DIAPH2: variants seen among roughly 807,000 people sequenced by gnomAD.
The protein encoded by DIAPH2 is diaphanous related formin 2.
Under a neutral mutation model 92.7 loss-of-function variants are expected in DIAPH2, and 35 were observed. The observed-to-expected ratio is 0.38, with a 90% CI of 0.29 to 0.50. DIAPH2 has a LOEUF of 0.50. Ranked by LOEUF, DIAPH2 falls within the 20% of genes least tolerant of loss-of-function variation. The pLI is 0.94. For missense variants in DIAPH2, 701 were observed against 819.5 expected (o/e 0.86, Z 1.77); for synonymous variants, 301 against 280.4 (o/e 1.07, Z -0.73).
chrX:97,388,729 G>C (rs1433516347), intron 25 of DIAPH2, among the ~76,000 whole-genome samples: 1 of 111,143 alleles, frequency 9.0e-6, no homozygotes, highest in African/African-American at 3.3e-5. Flanking sequence ...TGTTTATATT[G>C]ACATTTATCA....
At chrX:96,727,302 C>G (rs1456626888) in intron 1 of DIAPH2, among the ~76,000 whole-genome samples, 1 of 112,207 alleles carries the variant, frequency 8.9e-6, no homozygotes, top group Admixed American at 9.4e-5. Flanking sequence ...CCAAAGTCAG[C>G]TTTCTAAAAT....
chrX:96,770,999 C>G (rs1481614622), intron 4 of DIAPH2, among the ~76,000 whole-genome samples: 1 of 111,473 alleles, frequency 9.0e-6, no homozygotes, highest in Non-Finnish European at 1.9e-5. Context: ...ATTTGAATTT[C>G]CCTTCATTTT....
At chrX:97,460,240 T>G (rs775173247) in intron 26 of DIAPH2, among the ~76,000 whole-genome samples, 3 of 111,946 alleles carry the variant, frequency 2.7e-5, no homozygotes, top group Non-Finnish European at 5.6e-5. Context: ...AGGCTCCACC[T>G]TAGTGGGCAG....
intron 17 of DIAPH2, among the ~76,000 whole-genome samples, chrX:97,040,204 G>A (rs1478383969): frequency 9.4e-6 from 1 of 105,861 alleles, no homozygotes; most frequent in African/African-American, 3.5e-5. Context: ...CCAGATGATG[G>A]TATGTGTGGT....
At chrX:96,911,494 C>T (rs1182379448) in intron 5 of DIAPH2, among the ~76,000 whole-genome samples, 1 of 111,261 alleles carries the variant, frequency 9.0e-6, no homozygotes. Context: ...GTACTCAGCT[C>T]CTGCCACATG....
intron 23 of DIAPH2, among the ~76,000 whole-genome samples, chrX:97,265,996 C>G (rs1314386364): frequency 8.9e-6 from 1 of 112,122 alleles, no homozygotes; most frequent in Non-Finnish European, 1.9e-5. Flanking sequence ...ACTAATTTAT[C>G]ACATACGTTC....
chrX:96,896,389 T>A (rs1272183167), intron 5 of DIAPH2, among the ~76,000 whole-genome samples: 1 of 111,767 alleles, frequency 8.9e-6, no homozygotes, highest in African/African-American at 3.2e-5. Context: ...TGAGAGTATA[T>A]AAGAATTGAG....
chrX:96,959,326 G>C (rs1569435703), intron 16 of DIAPH2, among the ~76,000 whole-genome samples: 1 of 111,580 alleles, frequency 9.0e-6, no homozygotes, highest in Non-Finnish European at 1.9e-5. Flanking sequence ...ACTGGCATAA[G>C]ATGCCAGTAA....
chrX:97,530,401 T>G (rs2071051782), intron 26 of DIAPH2, among the ~76,000 whole-genome samples: 1 of 111,888 alleles, frequency 8.9e-6, no homozygotes, highest in East Asian at 2.8e-4. Flanking sequence ...TTGGGACTCT[T>G]AAAGAACCTA....
chrX:97,037,203 A>G (rs1378369258), intron 17 of DIAPH2, among the ~76,000 whole-genome samples: 1 of 111,492 alleles, frequency 9.0e-6, no homozygotes, highest in Non-Finnish European at 1.9e-5. Flanking sequence ...TTTTCTATTT[A>G]GCTAGGCAAT....
At chrX:96,910,427 T>C (rs939777722) in intron 5 of DIAPH2, among the ~76,000 whole-genome samples, 7 of 111,674 alleles carry the variant, frequency 6.3e-5, no homozygotes, top group African/African-American at 2.3e-4. Flanking sequence ...TTTAAAAATA[T>C]ATTTTCTTCA....
chrX:97,124,693 C>A (rs191766773), intron 21 of DIAPH2, among the ~76,000 whole-genome samples: 2 of 111,569 alleles, frequency 1.8e-5, no homozygotes, highest in Admixed American at 1.9e-4. Context: ...CACACACACA[C>A]CTCCCTTTAC....
intron 24 of DIAPH2, among the ~76,000 whole-genome samples, chrX:97,363,951 T>G (rs1014931922): frequency 8.9e-6 from 1 of 111,898 alleles, no homozygotes; most frequent in African/African-American, 3.2e-5. Context: ...CTCTGCCAAC[T>G]GTCAGCTAGT....
chrX:97,422,995 C>A (rs1385677667), intron 25 of DIAPH2, among the ~76,000 whole-genome samples: 1 of 111,370 alleles, frequency 9.0e-6, no homozygotes, highest in African/African-American at 3.3e-5. Flanking sequence ...GCTTCACGTT[C>A]ACATTGTTTT....
intron 24 of DIAPH2, among the ~76,000 whole-genome samples, chrX:97,364,547 A>G (rs1404921400): frequency 8.9e-6 from 1 of 112,167 alleles, no homozygotes; most frequent in African/African-American, 3.2e-5. Flanking sequence ...GTGAAACCCA[A>G]GCCATGCTCA....
intron 4 of DIAPH2, among the ~76,000 whole-genome samples, chrX:96,771,773 A>C (rs905299923): frequency 1.8e-5 from 2 of 111,649 alleles, no homozygotes; most frequent in Non-Finnish European, 3.8e-5. Flanking sequence ...TAGTTGGCTC[A>C]TGCCTGTAAT....
intron 16 of DIAPH2, among the ~76,000 whole-genome samples, chrX:96,958,771 A>G (rs754221695): frequency 9.0e-6 from 1 of 111,328 alleles, no homozygotes; most frequent in South Asian, 3.8e-4. Flanking sequence ...CTATCATTCT[A>G]TTCTCTACCT....
intron 22 of DIAPH2, among the ~76,000 whole-genome samples, chrX:97,241,929 C>T (rs1232059591): frequency 9.3e-6 from 1 of 107,802 alleles, no homozygotes; most frequent in Non-Finnish European, 1.9e-5. Flanking sequence ...GCGCCCACCA[C>T]CACGCCTGGC....
At chrX:97,369,171 G>C (rs954667474) in intron 24 of DIAPH2, among the ~76,000 whole-genome samples, 1 of 111,431 alleles carries the variant, frequency 9.0e-6, no homozygotes, top group Non-Finnish European at 1.9e-5. Context: ...GCCTCCCACA[G>C]TGCTGGGATT....
Sources: gnomAD v4.1 joint callset for allele counts (sites outside exome capture counted in the v4.1 genomes callset) on GRCh38, gnomAD v4.1.1 for gene constraint, MANE v1.5 for transcripts, NCBI Gene and HGNC (gene_info 2026-07-23, HGNC 2026-07-21) for gene names.